The following ZNF536 variants were observed in gnomAD, a reference collection of about 807,000 sequenced individuals.
ZNF536 encodes the protein zinc finger protein 536.
ZNF536 carries 13 observed loss-of-function variants against 84.5 expected under a neutral mutation model. That is an observed-to-expected ratio of 0.15 (90% confidence interval 0.10 to 0.24). The LOEUF is 0.24. Ranked by LOEUF, ZNF536 falls within the 10% of genes least tolerant of loss-of-function variation. ZNF536 has a pLI of 1.00. For missense variants in ZNF536, 1,536 were observed against 1,747.5 expected (o/e 0.88, Z 2.16); for synonymous variants, 811 against 742.5 (o/e 1.09, Z -1.50).
intron 2 of ZNF536, among the ~76,000 whole-genome samples, chr19:30,482,122 T>A (rs2054114869): frequency 6.6e-6 from 1 of 152,184 alleles, no homozygotes. Flanking sequence ...CTGCTATAAA[T>A]GTGTGTGAAT....
chr19:30,607,868 T>A (rs141502456), intron 1 of ZNF536, among the ~76,000 whole-genome samples: 2 of 152,316 alleles, frequency 1.3e-5, no homozygotes, highest in East Asian at 3.9e-4. Flanking sequence ...TTCTGCACTT[T>A]GCTTTTTTTC....
chr19:30,456,291 C>T (rs954971012), intron 2 of ZNF536, among the ~76,000 whole-genome samples: 2 of 148,506 alleles, frequency 1.3e-5, no homozygotes, highest in South Asian at 2.1e-4. Flanking sequence ...TTCGTGAACA[C>T]GGGACTTGTT....
intron 1 of ZNF536, among the ~76,000 whole-genome samples, chr19:30,379,770 G>T (rs933557255): frequency 1.3e-5 from 2 of 152,034 alleles, no homozygotes; most frequent in Non-Finnish European, 2.9e-5. Flanking sequence ...AGGGGATGCT[G>T]TAAGGGGTGC....
At chr19:30,289,473 G>A (rs1171115364) in intron 2 of ZNF536, among the ~76,000 whole-genome samples, 1 of 152,180 alleles carries the variant, frequency 6.6e-6, no homozygotes, top group Non-Finnish European at 1.5e-5. Context: ...TGAGCCATGC[G>A]AGTGCCTGAG....
At chr19:30,709,792 T>A (rs1054315531) in intron 1 of ZNF536, among the ~76,000 whole-genome samples, 1 of 151,794 alleles carries the variant, frequency 6.6e-6, no homozygotes, top group Non-Finnish European at 1.5e-5. Context: ...AATTTTTAAA[T>A]TTTTTTTGTA....
chr19:30,396,103 A>G (rs1270313132), intron 1 of ZNF536, among the ~76,000 whole-genome samples: 2 of 152,164 alleles, frequency 1.3e-5, no homozygotes, highest in Non-Finnish European at 2.9e-5. Flanking sequence ...TCCCTGCCCT[A>G]AAACTCCTCT....
chr19:30,306,923 A>G (rs1372774687), intron 2 of ZNF536, among the ~76,000 whole-genome samples: 1 of 152,252 alleles, frequency 6.6e-6, no homozygotes, highest in Non-Finnish European at 1.5e-5. Context: ...ATCAAACCCT[A>G]GAAAATTCAG....
rs929775582 is a variant in ZNF536, at chr19:30,463,183, A to T, written c.2170+17451A>T. 7.2e-5 allele frequency among the ~76,000 whole-genome samples: 11 copies of T among 152,164 alleles called. No homozygotes were observed. In the East Asian group the frequency reaches 2.1e-3, roughly 29 times the overall value. ...GTGTTGCATATCATGATGGCTTATT[A>T]TTACATAGGGTGGATTTGACCTCCC... On this transcript the variant is annotated intron_variant, in intron 2 of 4. Coordinates refer to ENST00000355537, the MANE Select transcript of ZNF536 (RefSeq NM_014717.3).
intron 2 of ZNF536, among the ~76,000 whole-genome samples, chr19:30,518,930 C>T (rs1042164032): frequency 1.8e-4 from 27 of 152,116 alleles, no homozygotes; most frequent in African/African-American, 5.6e-4. Context: ...AGAAACATCC[C>T]GGGAGCAGCA....
In ZNF536 at chr19:30,445,393, G is replaced by C. The variant is rs1294573222; in HGVS notation, c.1831G>C (p.Gly611Arg). The C allele has an allele frequency of 1.2e-6, 2 of 1,614,112 alleles. No homozygotes were observed. The highest frequency in any genetic ancestry group is 1.7e-6 in the Non-Finnish European group (2 of 1,180,024). The change falls in exon 2 of 5, where the codon GGG becomes CGG. Residue 611 changes from glycine (G) to arginine (R), a missense_variant. By Grantham distance (125) the Gly-to-Arg change is moderately radical. This residue lies in a region of ZNF536 where 366 missense variants were observed against 364.4 expected (regional missense o/e 1.00). Transcript: ENST00000355537. This position sits in a 1 kb window ranked among gnomAD's most constrained non-coding sequence, Gnocchi z 4.5. The stretch of plus-strand genomic sequence containing the variant: ...AAGCAGTCGGGATTTTTTGTCACAC[G>C]GGCTGAACCAGACTCTCGAGTATAA... ...LESSRDFLSHGLNQTLEYNLQ... is the reference protein window; with the variant it reads ...LESSRDFLSHRLNQTLEYNLQ...
intron 1 of ZNF536, among the ~76,000 whole-genome samples, chr19:30,232,444 C>A (rs187491573): frequency 6.6e-6 from 1 of 151,992 alleles, no homozygotes; most frequent in Non-Finnish European, 1.5e-5. Context: ...TTTCTCCCCC[C>A]TCTAGTGTCC....
intron 1 of ZNF536, among the ~76,000 whole-genome samples, chr19:30,570,636 G>A (rs1390958103): frequency 1.3e-5 from 2 of 151,952 alleles, no homozygotes; most frequent in South Asian, 2.1e-4. Context: ...ATATACAAAC[G>A]TTCCCATTGG....
intron 2 of ZNF536, among the ~76,000 whole-genome samples, chr19:30,306,074 T>C (rs1207267464): frequency 6.6e-6 from 1 of 152,262 alleles, no homozygotes; most frequent in African/African-American, 2.4e-5. Context: ...GCTCATGAAA[T>C]CTGTGTTGAG....
At chr19:30,433,600 C>T (rs895556985) in intron 1 of ZNF536, among the ~76,000 whole-genome samples, 1 of 152,170 alleles carries the variant, frequency 6.6e-6, no homozygotes, top group Non-Finnish European at 1.5e-5. Flanking sequence ...TAGGTTCAAG[C>T]GATTCTCCTG....
intron 1 of ZNF536, among the ~76,000 whole-genome samples, chr19:30,670,422 G>A (rs930736653): frequency 7.2e-5 from 11 of 152,226 alleles, no homozygotes; most frequent in Non-Finnish European, 1.5e-4. Flanking sequence ...TGTGTAGGAC[G>A]ATCCTATAGA....
intron 2 of ZNF536, among the ~76,000 whole-genome samples, chr19:30,465,561 A>G (rs777988758): frequency 5.8e-4 from 88 of 152,192 alleles, no homozygotes; most frequent in Non-Finnish European, 1.2e-3. Flanking sequence ...CACATAATAC[A>G]GACTCAGTAA....
intron 2 of ZNF536, among the ~76,000 whole-genome samples, chr19:30,490,258 A>G (rs933874252): frequency 6.6e-6 from 1 of 152,200 alleles, no homozygotes; most frequent in African/African-American, 2.4e-5. Flanking sequence ...GATAAGCCCT[A>G]GAATGGTGAG....
At chr19:30,495,644 T>C (rs955958903) in intron 2 of ZNF536, among the ~76,000 whole-genome samples, 3 of 152,188 alleles carry the variant, frequency 2.0e-5, no homozygotes, top group African/African-American at 7.2e-5. Flanking sequence ...AGGTTGCACA[T>C]CCAAGACAGA....
At chr19:30,478,978 C>A (rs1003117575) in intron 2 of ZNF536, among the ~76,000 whole-genome samples, 9 of 152,200 alleles carry the variant, frequency 5.9e-5, no homozygotes, top group Admixed American at 3.9e-4. Flanking sequence ...CTGGTTCCCA[C>A]TGAGTTACTC....
Sources: gnomAD v4.1 joint callset for allele counts (sites outside exome capture counted in the v4.1 genomes callset) on GRCh38, gnomAD v4.1.1 for gene constraint, gnomAD v4.1.1 regional missense constraint, Gnocchi (gnomAD v3.1) non-coding constraint, MANE v1.5 for transcripts, NCBI Gene and HGNC (gene_info 2026-07-23, HGNC 2026-07-21) for gene names.